The following SGCZ variants were observed in gnomAD, a reference collection of about 807,000 sequenced individuals.
SGCZ encodes the protein sarcoglycan zeta, also known as zeta-sarcoglycan.
Under a neutral mutation model 41.3 loss-of-function variants are expected in SGCZ, and 40 were observed. The ratio of observed to expected loss-of-function variants is 0.97; its 90% CI spans 0.75 to 1.26. The LOEUF is 1.26. Ranked by LOEUF, SGCZ falls within the 50% of genes most tolerant of loss-of-function variation. The pLI is 0.00. For synonymous variants in SGCZ, 206 were observed against 137.5 expected (o/e 1.50, Z -3.49); for missense variants, 552 against 369.8 (o/e 1.49, Z -4.04).
intron 4 of SGCZ, among the ~76,000 whole-genome samples, chr8:14,232,491 TA>T (rs1806606756): frequency 6.6e-6 from 1 of 152,210 alleles, no homozygotes; most frequent in South Asian, 2.1e-4. Context: ...CAGGCTTATT[TA>T]AGCCCTAAGT....
intron 1 of SGCZ, among the ~76,000 whole-genome samples, chr8:14,878,026 C>G (rs1804429688): frequency 6.6e-6 from 1 of 151,932 alleles, no homozygotes; most frequent in Non-Finnish European, 1.5e-5. Context: ...GATTGCCTTT[C>G]TTCCCAAGTA....
In SGCZ at chr8:14,088,887, C is replaced by A. The variant is rs760349248; in HGVS notation, c.*1556G>T. On this transcript the variant is annotated 3_prime_UTR_variant, in exon 8 of 8. Transcript: ENST00000382080. The stretch of plus-strand genomic sequence containing the variant: ...TCACTCTGAGCTGTAGACACCTGAA[C>A]TCCAAAGACTCTACAGCCATTAATC... 6.6e-6 allele frequency among the ~76,000 whole-genome samples: 1 copy of A among 151,934 alleles called. No homozygotes were observed. The highest frequency in any genetic ancestry group is 1.5e-5 in the Non-Finnish European group (1 of 67,926).
chr8:15,076,588 T>G (rs182833003), intron 1 of SGCZ, among the ~76,000 whole-genome samples: 1 of 152,242 alleles, frequency 6.6e-6, no homozygotes, highest in African/African-American at 2.4e-5. Flanking sequence ...GTTTACCACA[T>G]CGGACTCTAG....
intron 3 of SGCZ, among the ~76,000 whole-genome samples, chr8:14,241,874 A>AT (rs1193117984): frequency 1.3e-5 from 2 of 152,172 alleles, no homozygotes; most frequent in South Asian, 2.1e-4. Context: ...TCATTTTAAT[A>AT]TTTTTTTCTG....
intron 1 of SGCZ, among the ~76,000 whole-genome samples, chr8:14,886,998 A>C (rs1490525938): frequency 6.6e-6 from 1 of 152,142 alleles, no homozygotes; most frequent in Non-Finnish European, 1.5e-5. Context: ...CGATGACGTC[A>C]GAGTTTTGGC....
chr8:14,868,098 T>G (rs1803998916), intron 1 of SGCZ, among the ~76,000 whole-genome samples: 1 of 152,124 alleles, frequency 6.6e-6, no homozygotes, highest in Admixed American at 6.6e-5. Flanking sequence ...TTCACACTTG[T>G]AAGCCTCTGC....
intron 1 of SGCZ, among the ~76,000 whole-genome samples, chr8:14,620,126 A>G (rs2117366726): frequency 6.6e-6 from 1 of 152,292 alleles, no homozygotes; most frequent in South Asian, 2.1e-4. Context: ...AGCCCTCCAA[A>G]TAATACCACA....
intron 4 of SGCZ, among the ~76,000 whole-genome samples, chr8:14,186,702 C>T (rs1804914112): frequency 1.3e-5 from 2 of 152,134 alleles, no homozygotes; most frequent in Admixed American, 1.3e-4. Context: ...GTTCTGAAGC[C>T]TATTCAAATG....
intron 1 of SGCZ, among the ~76,000 whole-genome samples, chr8:14,888,481 A>C (rs1308696585): frequency 6.6e-6 from 1 of 152,200 alleles, no homozygotes; most frequent in Admixed American, 6.5e-5. Flanking sequence ...GAAAGAATAT[A>C]GAAAGAAAGT....
At chr8:14,471,992 G>A (rs1472463944) in intron 2 of SGCZ, among the ~76,000 whole-genome samples, 3 of 151,882 alleles carry the variant, frequency 2.0e-5, no homozygotes, top group African/African-American at 4.8e-5. Context: ...TTACCTCTGT[G>A]GCAGTTAATA....
chr8:14,875,375 G>A (rs1782229139), intron 1 of SGCZ, among the ~76,000 whole-genome samples: 1 of 152,080 alleles, frequency 6.6e-6, no homozygotes, highest in South Asian at 2.1e-4. Flanking sequence ...ACTGTATTAA[G>A]GACTAGGTCT....
At chr8:14,865,051 C>G (rs991943233) in intron 1 of SGCZ, among the ~76,000 whole-genome samples, 1 of 151,900 alleles carries the variant, frequency 6.6e-6, no homozygotes, top group Non-Finnish European at 1.5e-5. Context: ...TAATCCTTGT[C>G]AGATTTGTGT....
chr8:14,264,879 C>G (rs914884285), intron 3 of SGCZ, among the ~76,000 whole-genome samples: 1 of 152,092 alleles, frequency 6.6e-6, no homozygotes, highest in Admixed American at 6.5e-5. Flanking sequence ...AGGAGAATGG[C>G]GTGAACCCGG....
chr8:15,098,947 A>C (rs1806495350), intron 1 of SGCZ, among the ~76,000 whole-genome samples: 1 of 151,986 alleles, frequency 6.6e-6, no homozygotes, highest in Non-Finnish European at 1.5e-5. Flanking sequence ...AATCCCAGCT[A>C]CTCCGGAGGC....
At chr8:14,911,777 T>C (rs1479477722) in intron 1 of SGCZ, among the ~76,000 whole-genome samples, 4 of 152,032 alleles carry the variant, frequency 2.6e-5, no homozygotes, top group East Asian at 3.9e-4. Context: ...TTTCAATCTA[T>C]TCCTTTCATT....
intron 2 of SGCZ, among the ~76,000 whole-genome samples, chr8:14,417,713 C>T (rs1255201886): frequency 6.6e-6 from 1 of 151,682 alleles, no homozygotes; most frequent in Non-Finnish European, 1.5e-5. Flanking sequence ...GAGTAGATAG[C>T]AAGTTGAGAA....
intron 1 of SGCZ, among the ~76,000 whole-genome samples, chr8:14,802,249 C>T (rs776327811): frequency 1.7e-4 from 26 of 152,162 alleles, no homozygotes; most frequent in Non-Finnish European, 3.2e-4. Flanking sequence ...AAAATTTAAA[C>T]CCTTAATGTG....
chr8:15,181,328 T>C (rs962011289), intron 1 of SGCZ, among the ~76,000 whole-genome samples: 5 of 152,124 alleles, frequency 3.3e-5, no homozygotes, highest in Non-Finnish European at 5.9e-5. Context: ...TATAATTATA[T>C]TTGAATTATA....
chr8:14,815,138 T>G (rs978535065), intron 1 of SGCZ, among the ~76,000 whole-genome samples: 3 of 152,216 alleles, frequency 2.0e-5, no homozygotes, highest in African/African-American at 7.2e-5. Context: ...TGGTTATACT[T>G]CAATTAGTAA....
Sources: gnomAD v4.1 joint callset for allele counts (sites outside exome capture counted in the v4.1 genomes callset) on GRCh38, gnomAD v4.1.1 for gene constraint, MANE v1.5 for transcripts, NCBI Gene and HGNC (gene_info 2026-07-23, HGNC 2026-07-21) for gene names.